MGAT4C: variants seen among roughly 807,000 people sequenced by gnomAD.
MGAT4C encodes the protein alpha-1,3-mannosyl-glycoprotein 4-beta-N-acetylglucosaminyltransferase C.
MGAT4C carries 19 observed loss-of-function variants against 40.1 expected under a neutral mutation model. The observed-to-expected ratio is 0.47, with a 90% CI of 0.33 to 0.70. The LOEUF is 0.70. MGAT4C is among the 30% of genes least tolerant of loss of function. The pLI is 0.02. For synonymous variants in MGAT4C, 181 were observed against 187.1 expected (o/e 0.97, Z 0.27); for missense variants, 491 against 563.2 (o/e 0.87, Z 1.30).
At chr12:86,787,476 G>A (rs886482800) in intron 1 of MGAT4C, among the ~76,000 whole-genome samples, 2 of 151,494 alleles carry the variant, frequency 1.3e-5, no homozygotes, top group African/African-American at 4.9e-5. Flanking sequence ...TTTTCCTTTG[G>A]GTAGATATCC....
intron 2 of MGAT4C, among the ~76,000 whole-genome samples, chr12:86,604,217 G>A (rs867152321): frequency 2.6e-5 from 4 of 152,114 alleles, no homozygotes; most frequent in Admixed American, 6.6e-5. Flanking sequence ...AACTGCAGAA[G>A]TTGGGCTTGG....
chr12:86,597,038 C>T (rs557866463), intron 2 of MGAT4C, among the ~76,000 whole-genome samples: 1 of 152,282 alleles, frequency 6.6e-6, no homozygotes, highest in African/African-American at 2.4e-5. Flanking sequence ...GCAATAAGAT[C>T]TTACAAACAC....
intron 3 of MGAT4C, among the ~76,000 whole-genome samples, chr12:86,376,790 CAG>C (rs1157679938): frequency 2.5e-5 from 3 of 121,280 alleles, no homozygotes; most frequent in African/African-American, 6.3e-5. Context: ...GAGAGAGAGA[CAG>C]AGAGAGAGAG....
At chr12:86,264,456 G>C (rs1391377570) in intron 4 of MGAT4C, among the ~76,000 whole-genome samples, 4 of 152,150 alleles carry the variant, frequency 2.6e-5, no homozygotes, top group Non-Finnish European at 5.9e-5. Flanking sequence ...CTGCGAAGAC[G>C]CGGGCTGCAG....
At chr12:86,785,559 TA>T (rs2136187842) in intron 1 of MGAT4C, among the ~76,000 whole-genome samples, 1 of 151,992 alleles carries the variant, frequency 6.6e-6, no homozygotes, top group African/African-American at 2.4e-5. Context: ...TGGAACAAAT[TA>T]AAACCTTTTT....
intron 1 of MGAT4C, among the ~76,000 whole-genome samples, chr12:86,741,764 A>T (rs1338759381): frequency 6.6e-6 from 1 of 151,396 alleles, no homozygotes; most frequent in East Asian, 1.9e-4. Flanking sequence ...TGAGATTTTC[A>T]TGTCATCTAA....
At chr12:86,010,488 G>T (rs1480997656) in intron 2 of MGAT4C, among the ~76,000 whole-genome samples, 3 of 152,084 alleles carry the variant, frequency 2.0e-5, no homozygotes, top group African/African-American at 7.2e-5. Flanking sequence ...GACCAACCTG[G>T]ACAACATGGT....
chr12:86,788,985 T>C (rs1309647523), intron 1 of MGAT4C, among the ~76,000 whole-genome samples: 4 of 152,140 alleles, frequency 2.6e-5, no homozygotes, highest in African/African-American at 9.7e-5. Context: ...TTTCAATTAC[T>C]TGAAAATGTG....
intron 2 of MGAT4C, among the ~76,000 whole-genome samples, chr12:86,584,408 A>T (rs1960920964): frequency 6.6e-6 from 1 of 151,000 alleles, no homozygotes; most frequent in African/African-American, 2.4e-5. Context: ...TGTGAAGTTA[A>T]TTACAAGTTT....
chr12:86,737,291 T>G (rs1375750537), intron 1 of MGAT4C, among the ~76,000 whole-genome samples: 5 of 151,006 alleles, frequency 3.3e-5, no homozygotes. Context: ...TCACCTTTTT[T>G]GGCCTATCAG....
chr12:86,013,869 TACA>T, intron 2 of MGAT4C: 2 of 640,474 alleles, frequency 3.1e-6, no homozygotes, highest in Non-Finnish European at 3.9e-6. Context: ...TTTTCTTTGT[TACA>T]ACATTTTTGG....
chr12:86,160,638 C>T (rs1278462523), intron 1 of MGAT4C, among the ~76,000 whole-genome samples: 1 of 151,976 alleles, frequency 6.6e-6, no homozygotes, highest in Non-Finnish European at 1.5e-5. Context: ...TGTTAGTTTT[C>T]TGTCTCAATG....
intron 1 of MGAT4C, among the ~76,000 whole-genome samples, chr12:86,143,011 G>C (rs574459121): frequency 6.6e-6 from 1 of 152,128 alleles, no homozygotes; most frequent in Non-Finnish European, 1.5e-5. Flanking sequence ...AGCTGTGTAA[G>C]AACACTGCCA....
At chr12:86,582,855 C>G (rs1405385443) in intron 2 of MGAT4C, among the ~76,000 whole-genome samples, 1 of 151,154 alleles carries the variant, frequency 6.6e-6, no homozygotes, top group Non-Finnish European at 1.5e-5. Flanking sequence ...CTAACCCTGT[C>G]AACATTCAAA....
In MGAT4C at chr12:86,575,921, T is replaced by C. The variant is rs796208623; in HGVS notation, c.-228-140656A>G. On this transcript the variant is annotated intron_variant, in intron 2 of 7. Coordinates refer to the MGAT4C transcript ENST00000548651. ...GGAACCTCTAAACTGTTCTCCATAG[T>C]GATTTTACTAATTTACATTCCCACC... Among the ~76,000 whole-genome samples the C allele has an allele frequency of 7.9e-5, 12 of 152,000 alleles. 1 individual carries two copies. The highest frequency in any genetic ancestry group is 2.6e-4 in the African/African-American group (11 of 41,532).
chr12:86,680,573 T>C (rs1429345504), intron 2 of MGAT4C, among the ~76,000 whole-genome samples: 2 of 152,044 alleles, frequency 1.3e-5, no homozygotes, highest in South Asian at 2.1e-4. Context: ...GGCCATAGGG[T>C]TGCATAGTTT....
chr12:86,258,342 CAGTTAATTTT>C (rs1183820100), upstream of MGAT4C, among the ~76,000 whole-genome samples: 1 of 150,260 alleles, frequency 6.7e-6, no homozygotes, highest in Non-Finnish European at 1.5e-5. Context: ...TATCTACATT[CAGTTAATTTT>C]TAAAGACAAA....
chr12:86,673,306 T>C (rs1964308366), intron 2 of MGAT4C, among the ~76,000 whole-genome samples: 1 of 152,214 alleles, frequency 6.6e-6, no homozygotes, highest in Admixed American at 6.5e-5. Context: ...AGTTAAGCTA[T>C]GTAAATTAAA....
intron 2 of MGAT4C, among the ~76,000 whole-genome samples, chr12:86,506,672 C>T (rs564562023): frequency 1.3e-5 from 2 of 152,244 alleles, no homozygotes; most frequent in South Asian, 4.1e-4. Context: ...CTTCCAATAG[C>T]TTAACCACAT....
Sources: allele counts gnomAD v4.1 joint callset (sites outside exome capture counted in the v4.1 genomes callset), GRCh38; gene constraint gnomAD v4.1.1; transcripts MANE v1.5; gene names NCBI Gene and HGNC (gene_info 2026-07-23, HGNC 2026-07-21).